POU6F2: variants seen among roughly 807,000 people sequenced by gnomAD.
POU6F2 encodes POU class 6 homeobox 2.
Under a neutral mutation model 71.3 loss-of-function variants are expected in POU6F2, and 31 were observed. The ratio of observed to expected loss-of-function variants is 0.43; its 90% CI spans 0.33 to 0.59. The LOEUF is 0.59. Among genes scored for constraint, POU6F2 ranks in the 20% least tolerant of loss-of-function variants. The pLI, the probability that POU6F2 is intolerant of heterozygous loss-of-function variation, is 0.04. For missense variants in POU6F2, 783 were observed against 856.8 expected (o/e 0.91, Z 1.07); for synonymous variants, 347 against 355.7 (o/e 0.98, Z 0.27).
intron 4 of POU6F2, among the ~76,000 whole-genome samples, chr7:39,301,996 T>C (rs950977647): frequency 6.6e-6 from 1 of 152,208 alleles, no homozygotes; most frequent in African/African-American, 2.4e-5. Context: ...GGATAAGATG[T>C]GCCAGCTCTG....
intron 4 of POU6F2, among the ~76,000 whole-genome samples, chr7:39,218,571 T>C (rs1301001128): frequency 6.6e-6 from 1 of 152,086 alleles, no homozygotes; most frequent in Non-Finnish European, 1.5e-5. Context: ...TGCCCAAAGA[T>C]TGGTTGATCG....
At chr7:39,338,020 C>T (rs1489965638) in intron 4 of POU6F2, among the ~76,000 whole-genome samples, 1 of 152,222 alleles carries the variant, frequency 6.6e-6, no homozygotes, top group Non-Finnish European at 1.5e-5. Flanking sequence ...TAGATAAATG[C>T]TTTTCTAACC....
At position 39,340,497 on chromosome 7, in the gene POU6F2, A is replaced by T. The variant is rs1187103722; in HGVS notation, c.972+482A>T. Among the ~76,000 whole-genome samples, 6 of 151,970 alleles carry T rather than the reference A, an allele frequency of 3.9e-5. No homozygotes were observed. In the East Asian group the frequency reaches 7.7e-4, roughly 20 times the overall value. ...CTCTTTTGTTTCTATTTTTCTAAAG[A>T]CTCTCTGGGGTTAGGAGGGCAAAGA... is the stretch of plus-strand genomic sequence containing the variant. On this transcript the variant is annotated intron_variant, in intron 5 of 9. Coordinates refer to ENST00000518318, the MANE Select transcript of POU6F2 (RefSeq NM_001370959.1).
chr7:39,145,390 G>A (rs770298680), intron 2 of POU6F2, among the ~76,000 whole-genome samples: 6 of 152,170 alleles, frequency 3.9e-5, no homozygotes, highest in Non-Finnish European at 8.8e-5. Flanking sequence ...TTCGACCAGT[G>A]TATGCCATTT....
intron 7 of POU6F2, among the ~76,000 whole-genome samples, chr7:39,442,562 T>C (rs1031685857): frequency 2.6e-5 from 4 of 152,306 alleles, no homozygotes; most frequent in African/African-American, 9.6e-5. Context: ...CTTCCCCCCA[T>C]CTCTCAGCTG....
chr7:39,382,208 A>G lies in POU6F2; in HGVS notation c.973-24392A>G, dbSNP rs150722577. ...GATTATAATTAACAAGTAACAAGAG[A>G]AAAAGGTGCTTTTCGAAGCAGACCC... is the stretch of plus-strand genomic sequence containing the variant. On this transcript the variant is annotated intron_variant, in intron 5 of 9. Coordinates refer to ENST00000518318, the MANE Select transcript of POU6F2 (RefSeq NM_001370959.1). 3.2e-3 allele frequency among the ~76,000 whole-genome samples: 485 copies of G among 152,294 alleles called. 3 individuals are homozygous for G. The highest frequency in any genetic ancestry group is 0.011 in the African/African-American group (468 of 41,564).
At chr7:39,202,874 A>G (rs1453274158) in intron 2 of POU6F2, among the ~76,000 whole-genome samples, 1 of 152,248 alleles carries the variant, frequency 6.6e-6, no homozygotes, top group African/African-American at 2.4e-5. Context: ...TTCCAAATCA[A>G]TTTAGAAATT....
At chr7:39,317,046 A>G (rs961019877) in intron 4 of POU6F2, among the ~76,000 whole-genome samples, 3 of 152,214 alleles carry the variant, frequency 2.0e-5, no homozygotes, top group Non-Finnish European at 4.4e-5. Context: ...GGCAAGAATC[A>G]GGAGCTCACC....
chr7:39,096,041 A>G (rs1791448878), intron 2 of POU6F2, among the ~76,000 whole-genome samples: 1 of 152,146 alleles, frequency 6.6e-6, no homozygotes, highest in Non-Finnish European at 1.5e-5. Context: ...AAGAACTTGA[A>G]TTTTGAATCT....
intron 7 of POU6F2, among the ~76,000 whole-genome samples, chr7:39,439,634 C>T (rs1788343207): frequency 6.6e-6 from 1 of 152,106 alleles, no homozygotes; most frequent in Non-Finnish European, 1.5e-5. Flanking sequence ...GGATTACAGG[C>T]ATGCACCACC....
chr7:39,048,154 AT>A (rs1790328667), intron 1 of POU6F2, among the ~76,000 whole-genome samples: 1 of 151,892 alleles, frequency 6.6e-6, no homozygotes, highest in Non-Finnish European at 1.5e-5. Context: ...AGAGTTTTAA[AT>A]TACGAATTCC....
intron 1 of POU6F2, among the ~76,000 whole-genome samples, chr7:38,992,040 T>C (rs976342104): frequency 2.6e-5 from 4 of 152,162 alleles, no homozygotes; most frequent in Admixed American, 2.0e-4. Context: ...ACACTCAGCA[T>C]CTTACTCCTT....
intron 1 of POU6F2, among the ~76,000 whole-genome samples, chr7:39,082,794 G>GCGCACACACA (rs1554316719): frequency 2.2e-5 from 3 of 137,078 alleles, no homozygotes; most frequent in Non-Finnish European, 4.7e-5. Context: ...ACCATGTCAT[G>GCGCACACACA]CACACACACA....
chr7:39,255,616 G>A (rs1332141853), intron 4 of POU6F2, among the ~76,000 whole-genome samples: 1 of 152,082 alleles, frequency 6.6e-6, no homozygotes, highest in East Asian at 1.9e-4. Context: ...TTTAACTCAA[G>A]TTATTTAAAA....
At chr7:39,455,958 A>G (rs551804146) in intron 8 of POU6F2, among the ~76,000 whole-genome samples, 51 of 152,330 alleles carry the variant, frequency 3.3e-4, no homozygotes, top group African/African-American at 1.2e-3. Flanking sequence ...TTTCAATGCC[A>G]TGTTAGCCTA....
chr7:39,361,120 C>CTA (rs998398417), intron 5 of POU6F2, among the ~76,000 whole-genome samples: 1 of 152,204 alleles, frequency 6.6e-6, no homozygotes, highest in Non-Finnish European at 1.5e-5. Flanking sequence ...CCCTCACTGT[C>CTA]TATTTGTAGG....
chr7:39,306,413 T>C (rs1306598594), intron 4 of POU6F2, among the ~76,000 whole-genome samples: 1 of 152,210 alleles, frequency 6.6e-6, no homozygotes, highest in Non-Finnish European at 1.5e-5. Context: ...GCTTGCTTTA[T>C]GGATGAGGAA....
intron 1 of POU6F2, among the ~76,000 whole-genome samples, chr7:39,079,345 C>T (rs1298561814): frequency 6.6e-6 from 1 of 151,870 alleles, no homozygotes; most frequent in Admixed American, 6.6e-5. Flanking sequence ...CCCGCAACCA[C>T]GCCCCACTAA....
chr7:39,252,987 A>C (rs548515332), intron 4 of POU6F2, among the ~76,000 whole-genome samples: 8 of 152,304 alleles, frequency 5.3e-5, no homozygotes, highest in African/African-American at 1.9e-4. Flanking sequence ...CAGCAGGGCC[A>C]TGACTGTGTG....
Sources: allele counts gnomAD v4.1 joint callset (sites outside exome capture counted in the v4.1 genomes callset), GRCh38; gene constraint gnomAD v4.1.1; transcripts MANE v1.5; gene names NCBI Gene and HGNC (gene_info 2026-07-23, HGNC 2026-07-21).